RIC3: variants seen among roughly 807,000 people sequenced by gnomAD.
The protein encoded by RIC3 is protein RIC-3.
In RIC3, 28 loss-of-function variants were observed where a neutral mutation model predicts 27.3. The observed-to-expected ratio is 1.02, with a 90% CI of 0.76 to 1.41. The LOEUF is 1.41. Among genes scored for constraint, RIC3 ranks in the 40% most tolerant of loss-of-function variants. The probability of loss-of-function intolerance (pLI) is 0.00; values close to 1 mark genes in which losing one functional copy is unlikely to be tolerated. For missense variants in RIC3, 501 were observed against 444.7 expected, an observed-to-expected ratio of 1.13 and a Z score of -1.14; for synonymous variants, 184 against 160.4, an observed-to-expected ratio of 1.15 and a Z score of -1.11.
chr11:8,120,495 G>T (rs1318197556), intron 5 of RIC3, among the ~76,000 whole-genome samples: 1 of 152,138 alleles, frequency 6.6e-6, no homozygotes, highest in African/African-American at 2.4e-5. Flanking sequence ...CTTGGACACA[G>T]GGTGAGGAAC....
intron 3 of RIC3, 61 bp downstream of exon 3, chr11:8,138,211 T>A: frequency 1.7e-6 from 2 of 1,180,024 alleles, no homozygotes; most frequent in Non-Finnish European, 2.5e-6. Flanking sequence ...AGACTGTCCC[T>A]GTGGCTATAA....
At chr11:8,115,353 A>G (rs1314155807) in intron 5 of RIC3, among the ~76,000 whole-genome samples, 1 of 152,112 alleles carries the variant, frequency 6.6e-6, no homozygotes, top group African/African-American at 2.4e-5. Context: ...TGTAGTTGGC[A>G]AAGCTCTCCT....
At chr11:8,140,930 T>G (rs1353396629) in intron 1 of RIC3, among the ~76,000 whole-genome samples, 1 of 149,872 alleles carries the variant, frequency 6.7e-6, no homozygotes, top group African/African-American at 2.5e-5. Context: ...CCAGCCAAAC[T>G]AAGCTTCATA....
the RIC3 span, chr11:8,100,597 G>C: frequency 6.2e-7 from 1 of 1,613,558 alleles, no homozygotes; most frequent in Non-Finnish European, 8.5e-7. Flanking sequence ...ATCCGCCCCC[G>C]CAACGTGAGT....
Position 8,110,055 on chromosome 11 carries a change from G to C in RIC3, c.*643C>G, listed in dbSNP as rs1945072456. 6.3e-6 allele frequency: 1 copy of C among 157,682 alleles called. No individual in the cohort carries two copies. The highest frequency in any genetic ancestry group is 1.9e-4 in the South Asian group (1 of 5,200). 9.8% of individuals were successfully genotyped at this position (157,682 alleles called of 1,614,324 possible). ...TCAGAGTAAAACAGTCCCCAAACAA[G>C]CCTCTGGGCTCATTCTCAGATCAGT... On this transcript the variant is annotated 3_prime_UTR_variant, in exon 6 of 6. Coordinates refer to ENST00000309737, the MANE Select transcript of RIC3 (RefSeq NM_001206671.4).
the RIC3 span, chr11:8,098,876 G>A: frequency 6.2e-7 from 1 of 1,608,734 alleles, no homozygotes; most frequent in Admixed American, 1.7e-5. Context: ...TGTGTGCTAC[G>A]TGAGTCCTAG....
chr11:8,096,555 A>AGG, the RIC3 span: 332 of 700,014 alleles, frequency 4.7e-4, no homozygotes, highest in African/African-American at 5.0e-3. Flanking sequence ...AGATATGGCT[A>AGG]AGAGTGTGTG....
At chr11:8,156,243 G>A (rs1405990951) in intron 1 of RIC3, among the ~76,000 whole-genome samples, 3 of 152,204 alleles carry the variant, frequency 2.0e-5, no homozygotes, top group Non-Finnish European at 4.4e-5. Flanking sequence ...TTCCACTGAT[G>A]ACAAGAGGCT....
At chr11:8,140,287 AC>A in intron 1 of RIC3, 94 bp from the exon 2 acceptor site, 3 of 1,151,502 alleles carry the variant, frequency 2.6e-6, no homozygotes, top group Non-Finnish European at 3.6e-6. Context: ...AGAGGCCAAC[AC>A]AAACAAGTAG....
rs866355465 is a variant in RIC3, at chr11:8,137,421, C to T, written c.478G>A (p.Ala160Thr). 6.2e-7 allele frequency: 1 copy of T among 1,614,094 alleles called. No individual in the cohort carries two copies. Among genetic ancestry groups the T allele is most frequent in the Non-Finnish European group, 8.5e-7 (1 of 1,180,038 alleles). ...ACTCTGTTGATTAATTTTTCCATGGCTGCTTCTGTCTCCTTCAGTTTTTCT... is the reference window on the plus strand; with the variant it reads ...ACTCTGTTGATTAATTTTTCCATGGTTGCTTCTGTCTCCTTCAGTTTTTCT... ...LQEKLKETEA[A>T]MEKLINRVGP... Residue 160 changes from alanine (A) to threonine (T), a missense_variant, in exon 4 of 6, where the codon GCC becomes ACC. Physicochemically the swap from Ala to Thr is moderately conservative, Grantham distance 58 (BLOSUM62 0). Coordinates refer to ENST00000309737, the MANE Select transcript of RIC3 (RefSeq NM_001206671.4).
chr11:8,168,550 G>A (rs946278293), intron 1 of RIC3, among the ~76,000 whole-genome samples: 3 of 152,298 alleles, frequency 2.0e-5, no homozygotes, highest in East Asian at 3.9e-4. Context: ...AAATGGTGAC[G>A]AGATGAGTTA....
chr11:8,108,903 C>T lies in RIC3; in HGVS notation c.*1795G>A, dbSNP rs1380314656. The T allele has an allele frequency of 2.0e-5, 3 of 152,226 alleles. No individual in the cohort carries two copies. The highest frequency in any genetic ancestry group is 2.9e-5 in the Non-Finnish European group (2 of 68,050). The allele number at this position is 152,226 out of a possible 1,614,324, so 9.4% of individuals were successfully genotyped here. On this transcript the variant is annotated 3_prime_UTR_variant, in exon 6 of 6. Transcript: ENST00000309737. The stretch of plus-strand genomic sequence containing the variant: ...ACCCAGGGCTCTCCTCATGAATCAA[C>T]CCCTCACAGTGAACGAAGGGAAATA...
intron 1 of RIC3, among the ~76,000 whole-genome samples, chr11:8,142,654 G>A (rs1191042342): frequency 1.4e-5 from 2 of 142,740 alleles, no homozygotes; most frequent in African/African-American, 5.6e-5. Context: ...AGAAAAAGAG[G>A]GAATCCTCCC....
chr11:8,153,858 TTC>T (rs1222564663), intron 1 of RIC3, among the ~76,000 whole-genome samples: 2 of 152,184 alleles, frequency 1.3e-5, no homozygotes, highest in African/African-American at 4.8e-5. Flanking sequence ...TGTAGATTCA[TTC>T]TCTCCAAACT....
the RIC3 span, among the ~76,000 whole-genome samples, chr11:8,093,114 C>A: frequency 6.6e-6 from 1 of 152,040 alleles, no homozygotes; most frequent in African/African-American, 2.4e-5. Flanking sequence ...CACGGGGTTG[C>A]TTTGTGGAAG....
At position 8,108,524 on chromosome 11, in the gene RIC3, T is replaced by G. The variant is rs752986835; in HGVS notation, c.*2174A>C. ...TTTTACACACACTGATGATTTCATT[T>G]AACCAGGACCTTTAATACCCCTCCC... On this transcript the variant is annotated 3_prime_UTR_variant, in exon 6 of 6. Coordinates refer to ENST00000309737, the MANE Select transcript of RIC3 (RefSeq NM_001206671.4). 10 of 152,348 alleles carry G rather than the reference T, an allele frequency of 6.6e-5. No homozygotes were observed. Among genetic ancestry groups the G allele is most frequent in the Non-Finnish European group, 1.5e-4 (10 of 68,032 alleles). The allele number at this position is 152,348 out of a possible 1,614,324, so 9.4% of individuals were successfully genotyped here. A position where few individuals can be genotyped will look rare whatever the true frequency, so the allele number is the denominator to read the frequency against.
At chr11:8,131,579 AC>A (rs1947715194) in intron 4 of RIC3, among the ~76,000 whole-genome samples, 2 of 152,268 alleles carry the variant, frequency 1.3e-5, no homozygotes, top group South Asian at 4.2e-4. Flanking sequence ...TTCCTCTTCT[AC>A]CACAAAAACA....
At chr11:8,140,494 A>G (rs1948929733) in intron 1 of RIC3, among the ~76,000 whole-genome samples, 1 of 152,170 alleles carries the variant, frequency 6.6e-6, no homozygotes, top group African/African-American at 2.4e-5. Context: ...TGTGACTAGG[A>G]CTGTGCTAGC....
At chr11:8,132,349 G>C (rs189682169) in intron 4 of RIC3, among the ~76,000 whole-genome samples, 29 of 152,250 alleles carry the variant, frequency 1.9e-4, no homozygotes, top group African/African-American at 7.0e-4. Flanking sequence ...TTTTTCTAAA[G>C]CACAGCAAAT....
Sources: gnomAD v4.1 joint callset for allele counts (sites outside exome capture counted in the v4.1 genomes callset) on GRCh38, gnomAD v4.1.1 for gene constraint, MANE v1.5 for transcripts, NCBI Gene and HGNC (gene_info 2026-07-23, HGNC 2026-07-21) for gene names.